Variants in CNRIP1 observed in about 807,000 individuals in gnomAD.
The protein encoded by CNRIP1 is cannabinoid receptor interacting protein 1.
Under a neutral mutation model 15.2 loss-of-function variants are expected in CNRIP1, and 10 were observed. That is an observed-to-expected ratio of 0.66 (90% CI 0.41 to 1.12). CNRIP1 has a LOEUF of 1.12. Ranked by LOEUF, CNRIP1 falls within the 50% of genes most tolerant of loss-of-function variation. The probability of loss-of-function intolerance (pLI) is 0.00; values close to 1 mark genes in which losing one functional copy is unlikely to be tolerated. For synonymous variants in CNRIP1, 91 were observed against 83.2 expected, an observed-to-expected ratio of 1.09 and a Z score of -0.51; for missense variants, 211 against 214.7, an observed-to-expected ratio of 0.98 and a Z score of 0.11.
intron 1 of CNRIP1, 68 bp downstream of exon 1, chr2:68,319,154 C>T (rs544267861): frequency 3.5e-6 from 5 of 1,442,618 alleles, no homozygotes; most frequent in Middle Eastern, 2.5e-4. Flanking sequence ...TCGGGCTGTC[C>T]TGGGGGCCTC....
At chr2:68,311,261 C>A (rs1672063758) in intron 2 of CNRIP1, among the ~76,000 whole-genome samples, 1 of 151,832 alleles carries the variant, frequency 6.6e-6, no homozygotes, top group African/African-American at 2.4e-5. Context: ...AGAAAGAACT[C>A]TATGAAGGGA....
chr2:68,287,501 TA>T (rs1233195977), intron 2 of CNRIP1, among the ~76,000 whole-genome samples: 1 of 152,240 alleles, frequency 6.6e-6, no homozygotes, highest in Non-Finnish European at 1.5e-5. Context: ...CACGATAAAA[TA>T]TTGGGAGAAA....
chr2:68,290,024 CTT>C (rs35429690), downstream of CNRIP1, among the ~76,000 whole-genome samples: 72 of 89,644 alleles, frequency 8.0e-4, 1 homozygote, highest in African/African-American at 2.7e-3. Flanking sequence ...AGAATCTGAA[CTT>C]TTTTTTTTTT....
intron 2 of CNRIP1, chr2:68,316,435 A>G (rs1672273909): frequency 6.6e-6 from 1 of 152,172 alleles, no homozygotes; most frequent in South Asian, 2.1e-4. Flanking sequence ...AGTTTAGGTG[A>G]AGCTTCCTTT....
chr2:68,291,032 C>G (rs74499175), downstream of CNRIP1, among the ~76,000 whole-genome samples: 32 of 152,268 alleles, frequency 2.1e-4, no homozygotes, highest in East Asian at 6.2e-3. Context: ...AGTTACAACT[C>G]AGCAGCTCGA....
rs769337173 is a variant in CNRIP1, at chr2:68,293,973, G to T, written c.384C>A (p.Tyr128Ter). ...ETVWQVKFYN[Y>*]HKRDHCQWGS... ...CCCACTGGCAGTGATCCCGCTTGTG[G>T]TAATTGTAGAACTTGACTTGCCACA... The change falls in exon 3 of 3, where the codon TAC (tyrosine) becomes TAA (stop). Residue 128 changes from tyrosine to a stop codon, truncating the protein, a stop_gained. Coordinates refer to ENST00000263655, the MANE Select transcript of CNRIP1 (RefSeq NM_015463.3). LOFTEE classifies it high-confidence loss of function. 1.2e-6 allele frequency: 2 copies of T among 1,613,966 alleles called. No individual in the cohort carries two copies. The highest frequency in any genetic ancestry group is 1.7e-6 in the Non-Finnish European group (2 of 1,180,006).
At position 68,319,502 on chromosome 2, in the gene CNRIP1, G is replaced by A; in HGVS notation, c.-102C>T. On this transcript the variant is annotated 5_prime_UTR_variant, in exon 1 of 3. Transcript: ENST00000263655. ...AGGGGCGGAGAGGAAGCGCGGGGAG[G>A]GTGAGGGAGGTGGTGGAGCTGAGGC... is the stretch of plus-strand genomic sequence containing the variant. The A allele has an allele frequency of 8.1e-7, 1 of 1,230,516 alleles. No individual in the cohort carries two copies. The highest frequency in any genetic ancestry group is 1.1e-6 in the Non-Finnish European group (1 of 924,422). The allele number at this position is 1,230,516 out of a possible 1,614,324, so 76.2% of individuals were successfully genotyped here.
intron 1 of CNRIP1, 63 bp from the exon 2 acceptor site, chr2:68,317,370 G>A: frequency 6.4e-7 from 1 of 1,564,744 alleles, no homozygotes; most frequent in Non-Finnish European, 8.7e-7. Flanking sequence ...GTCCTGTTTT[G>A]GACCAAAACT....
intron 2 of CNRIP1, among the ~76,000 whole-genome samples, chr2:68,306,556 G>GGATC (rs774542048): frequency 2.6e-5 from 4 of 152,124 alleles, no homozygotes; most frequent in Non-Finnish European, 4.4e-5. Context: ...CAAGGTGGGA[G>GGATC]GATCACCTGA....
At chr2:68,289,326 T>C (rs145619022), downstream of CNRIP1, among the ~76,000 whole-genome samples, 262 of 152,322 alleles carry the variant, frequency 1.7e-3, no homozygotes, top group African/African-American at 6.1e-3. Context: ...TTAAAAATTT[T>C]ACCTTTCCAA....
At chr2:68,290,235 C>T (rs1430962910), downstream of CNRIP1, among the ~76,000 whole-genome samples, 1 of 151,770 alleles carries the variant, frequency 6.6e-6, no homozygotes, top group African/African-American at 2.4e-5. Flanking sequence ...GCCATGTTGG[C>T]CAGGCTGGTC....
chr2:68,285,002 C>A (rs1670994130), intron 2 of CNRIP1, among the ~76,000 whole-genome samples: 1 of 152,176 alleles, frequency 6.6e-6, no homozygotes, highest in South Asian at 2.1e-4. Flanking sequence ...TAATACACTG[C>A]ATTTCTGTCA....
chr2:68,298,352 A>C (rs1671466576), intron 2 of CNRIP1, among the ~76,000 whole-genome samples: 2 of 152,246 alleles, frequency 1.3e-5, no homozygotes, highest in South Asian at 4.1e-4. Flanking sequence ...AATACTTTTC[A>C]AATGCCAGCT....
chr2:68,306,055 G>A (rs1384818941), intron 2 of CNRIP1, among the ~76,000 whole-genome samples: 1 of 142,748 alleles, frequency 7.0e-6, no homozygotes, highest in Non-Finnish European at 1.5e-5. Context: ...AGTTGCCAGA[G>A]GTCAAGGCTG....
intron 2 of CNRIP1, among the ~76,000 whole-genome samples, chr2:68,315,188 T>A (rs546220094): frequency 3.9e-5 from 6 of 152,054 alleles, no homozygotes; most frequent in African/African-American, 1.4e-4. Flanking sequence ...AGCAGAAAAA[T>A]GGGTGAAAAC....
At chr2:68,289,886 C>A (rs1055473799), downstream of CNRIP1, among the ~76,000 whole-genome samples, 3 of 152,094 alleles carry the variant, frequency 2.0e-5, no homozygotes, top group East Asian at 1.9e-4. Flanking sequence ...AACCATTCTG[C>A]AAGGTAAATA....
At position 68,317,308 on chromosome 2, in the gene CNRIP1, C is replaced by G; in HGVS notation, c.180-1G>C. The G allele has an allele frequency of 6.2e-7, 1 of 1,613,652 alleles. No individual in the cohort carries two copies. Among genetic ancestry groups the G allele is most frequent in the Non-Finnish European group, 8.5e-7 (1 of 1,180,008 alleles). On this transcript the variant is annotated splice_acceptor_variant, in intron 1 of 2. Coordinates refer to ENST00000263655, the MANE Select transcript of CNRIP1 (RefSeq NM_015463.3). LOFTEE classifies it high-confidence loss of function. ...AAGCACACCACCAATGGAAATATTC[C>G]TGCAATAGACTTGAGTTGACCACAT...
rs781622672 is a variant in CNRIP1, at chr2:68,319,451, G to A, written c.-51C>T. 10 of 1,449,372 alleles carry A rather than the reference G, an allele frequency of 6.9e-6. No homozygotes were observed. The African/African-American group carries it at 1.4e-4, about 21-fold the overall frequency. The allele number at this position is 1,449,372 out of a possible 1,614,324, so 89.8% of individuals were successfully genotyped here. A position where few individuals can be genotyped will look rare whatever the true frequency, so the allele number is the denominator to read the frequency against. The stretch of plus-strand genomic sequence containing the variant: ...GCTCCGGGGGGCGGAGGACAGCGCC[G>A]GCTGCGGCCGAGTGGCTGGAGCGCG... On this transcript the variant is annotated 5_prime_UTR_variant, in exon 1 of 3. Transcript: ENST00000263655.
chr2:68,306,038 G>A (rs1305808436), intron 2 of CNRIP1, among the ~76,000 whole-genome samples: 1 of 146,224 alleles, frequency 6.8e-6, no homozygotes, highest in Admixed American at 7.0e-5. Context: ...GCTGAGGTAG[G>A]AGGATCAGTT....
Sources: gnomAD v4.1 joint callset for allele counts (sites outside exome capture counted in the v4.1 genomes callset) on GRCh38, gnomAD v4.1.1 for gene constraint, MANE v1.5 for transcripts, NCBI Gene and HGNC (gene_info 2026-07-23, HGNC 2026-07-21) for gene names.